The following MAGI1 variants were observed in gnomAD, a reference collection of about 807,000 sequenced individuals.
MAGI1 encodes membrane associated guanylate kinase, WW and PDZ domain containing 1.
A neutral mutation model predicts 139.9 loss-of-function variants in MAGI1; 58 were observed. The ratio of observed to expected loss-of-function variants is 0.41; its 90% CI spans 0.34 to 0.52. The LOEUF is 0.52. MAGI1 is among the 20% of genes least tolerant of loss of function. MAGI1 has a pLI of 0.12. For synonymous variants in MAGI1, 812 were observed against 737.9 expected, an observed-to-expected ratio of 1.10 and a Z score of -1.63; for missense variants, 1,874 against 1,901.6, an observed-to-expected ratio of 0.99 and a Z score of 0.27.
intron 2 of MAGI1, among the ~76,000 whole-genome samples, chr3:65,580,799 C>G (rs1342970005): frequency 6.6e-6 from 1 of 152,166 alleles, no homozygotes; most frequent in East Asian, 1.9e-4. Context: ...GTTTCTCTTA[C>G]AGTGTGCACA....
intron 1 of MAGI1, among the ~76,000 whole-genome samples, chr3:65,681,857 GT>G (rs1005543310): frequency 7.2e-5 from 11 of 151,936 alleles, no homozygotes; most frequent in Admixed American, 3.3e-4. Flanking sequence ...GGCTTTTTTT[GT>G]TTTTTTGTTG....
At chr3:65,376,898 C>T (rs1042807505) in intron 17 of MAGI1, among the ~76,000 whole-genome samples, 1 of 152,160 alleles carries the variant, frequency 6.6e-6, no homozygotes, top group African/African-American at 2.4e-5. Context: ...CATGTCATTG[C>T]TAACTTCTAG....
At chr3:65,503,264 T>A (rs1023171198) in intron 2 of MAGI1, among the ~76,000 whole-genome samples, 1 of 152,078 alleles carries the variant, frequency 6.6e-6, no homozygotes, top group Non-Finnish European at 1.5e-5. Flanking sequence ...TAAACACGAA[T>A]AAAGAAGGCC....
chr3:66,036,797 G>A, intron 1 of MAGI1, among the ~76,000 whole-genome samples: 1 of 152,140 alleles, frequency 6.6e-6, no homozygotes, highest in East Asian at 1.9e-4. Context: ...GACTTCCTTC[G>A]GTGCTTTCAC....
At chr3:65,795,945 G>A (rs2040107649) in intron 1 of MAGI1, among the ~76,000 whole-genome samples, 1 of 151,554 alleles carries the variant, frequency 6.6e-6, no homozygotes, top group African/African-American at 2.4e-5. Context: ...CAGCTACTTA[G>A]GAGGCTGAGG....
At chr3:65,403,405 GAT>G (rs1945068794) in intron 12 of MAGI1, among the ~76,000 whole-genome samples, 1 of 152,120 alleles carries the variant, frequency 6.6e-6, no homozygotes, top group Non-Finnish European at 1.5e-5. Flanking sequence ...GAACAATTTT[GAT>G]ATGTCTTTAT....
intron 5 of MAGI1, among the ~76,000 whole-genome samples, chr3:65,466,961 C>G (rs1007688203): frequency 2.6e-5 from 4 of 152,184 alleles, no homozygotes; most frequent in African/African-American, 9.6e-5. Flanking sequence ...TGTAGGATGC[C>G]CCTTTCCTGA....
At chr3:65,570,972 C>T (rs1011135869) in intron 2 of MAGI1, among the ~76,000 whole-genome samples, 6 of 152,136 alleles carry the variant, frequency 3.9e-5, no homozygotes, top group Non-Finnish European at 8.8e-5. Flanking sequence ...TCTGTAGAAA[C>T]GGAGGCTTAC....
intron 2 of MAGI1, among the ~76,000 whole-genome samples, chr3:65,510,249 C>T (rs1450839717): frequency 1.3e-5 from 2 of 152,236 alleles, no homozygotes; most frequent in Non-Finnish European, 2.9e-5. Context: ...CAGAGCGCCT[C>T]TCCTCCTCCA....
At chr3:65,809,358 G>A (rs1202454560) in intron 1 of MAGI1, among the ~76,000 whole-genome samples, 1 of 152,120 alleles carries the variant, frequency 6.6e-6, no homozygotes, top group Non-Finnish European at 1.5e-5. Context: ...AAAAGAAGGT[G>A]AGAAAACTTT....
intron 1 of MAGI1, among the ~76,000 whole-genome samples, chr3:65,899,902 G>C (rs2061148280): frequency 6.6e-6 from 1 of 152,170 alleles, no homozygotes; most frequent in Non-Finnish European, 1.5e-5. Context: ...CAAAGTGAGA[G>C]TGCTAAGATG....
intron 1 of MAGI1, among the ~76,000 whole-genome samples, chr3:65,649,420 G>C (rs957901071): frequency 4.6e-5 from 7 of 152,006 alleles, no homozygotes; most frequent in African/African-American, 1.7e-4. Context: ...TGAAGTCTTT[G>C]GTATCTGGAT....
chr3:65,950,024 G>A (rs1195785091), intron 1 of MAGI1, among the ~76,000 whole-genome samples: 1 of 133,360 alleles, frequency 7.5e-6, no homozygotes, highest in Non-Finnish European at 1.5e-5. Flanking sequence ...ACTCCAGCCT[G>A]GGCAACAGAG....
intron 18 of MAGI1, among the ~76,000 whole-genome samples, chr3:65,374,119 T>A (rs529398700): frequency 1.3e-5 from 2 of 152,068 alleles, no homozygotes; most frequent in South Asian, 4.1e-4. Context: ...TAAACTAGAT[T>A]TTTTCTTGAG....
At chr3:65,739,860 C>G (rs770361636) in intron 1 of MAGI1, among the ~76,000 whole-genome samples, 42 of 152,164 alleles carry the variant, frequency 2.8e-4, no homozygotes, top group Middle Eastern at 3.4e-3. Context: ...ATCACCAAGA[C>G]AGACAGAACA....
chr3:65,883,413 A>G (rs1246574533), intron 1 of MAGI1, among the ~76,000 whole-genome samples: 4 of 152,212 alleles, frequency 2.6e-5, no homozygotes, highest in Admixed American at 2.6e-4. Context: ...AAGAATATAT[A>G]TTTTATAAAC....
intron 1 of MAGI1, among the ~76,000 whole-genome samples, chr3:65,744,041 C>T (rs948668840): frequency 2.0e-5 from 3 of 151,248 alleles, no homozygotes. Context: ...TTGTTTTGTT[C>T]TTGGGAATGA....
chr3:65,678,179 G>A (rs908282979), intron 1 of MAGI1, among the ~76,000 whole-genome samples: 1 of 152,104 alleles, frequency 6.6e-6, no homozygotes, highest in African/African-American at 2.4e-5. Flanking sequence ...CAGAGGATGG[G>A]GAGCTAGGGG....
chr3:65,718,738 A>G (rs1410859597), intron 1 of MAGI1: 1 of 151,510 alleles, frequency 6.6e-6, no homozygotes, highest in East Asian at 1.9e-4. Context: ...AACGGAGATG[A>G]AAAAAAATCC....
Sources: allele counts gnomAD v4.1 joint callset (sites outside exome capture counted in the v4.1 genomes callset), GRCh38; gene constraint gnomAD v4.1.1; transcripts MANE v1.5; gene names NCBI Gene and HGNC (gene_info 2026-07-23, HGNC 2026-07-21).